Variants in CLCN3 observed in about 807,000 individuals in gnomAD.
CLCN3 encodes H(+)/Cl(-) exchange transporter 3.
A neutral mutation model predicts 83.4 loss-of-function variants in CLCN3; 16 were observed. The ratio of observed to expected loss-of-function variants is 0.19; its 90% CI spans 0.13 to 0.29. CLCN3 has a LOEUF of 0.29. CLCN3 is among the 10% of genes least tolerant of loss of function. The probability of loss-of-function intolerance (pLI) is 1.00; values close to 1 mark genes in which losing one functional copy is unlikely to be tolerated. For synonymous variants in CLCN3, 322 were observed against 346.2 expected (o/e 0.93, Z 0.78); for missense variants, 544 against 1,006.0 (o/e 0.54, Z 6.21).
At chr4:169,671,879 G>C (rs564510449) in intron 2 of CLCN3, among the ~76,000 whole-genome samples, 1 of 152,190 alleles carries the variant, frequency 6.6e-6, no homozygotes, top group East Asian at 1.9e-4. Context: ...TATGCTTTGA[G>C]AAATGGCTGA....
intron 2 of CLCN3, among the ~76,000 whole-genome samples, chr4:169,646,146 C>T (rs768396478): frequency 6.6e-6 from 1 of 152,032 alleles, no homozygotes; most frequent in African/African-American, 2.4e-5. Context: ...TTTATTTTAT[C>T]CTTCCTTCTT....
intron 9 of CLCN3, among the ~76,000 whole-genome samples, 177 bp downstream of exon 9, chr4:169,697,911 G>C (rs1192700503): frequency 6.6e-6 from 1 of 152,158 alleles, no homozygotes; most frequent in Non-Finnish European, 1.5e-5. Context: ...GTTATCTGTT[G>C]CTATTTAACA....
At chr4:169,658,907 A>G (rs1367984138) in intron 2 of CLCN3, among the ~76,000 whole-genome samples, 1 of 152,094 alleles carries the variant, frequency 6.6e-6, no homozygotes, top group Non-Finnish European at 1.5e-5. Flanking sequence ...AACTTGATTT[A>G]ACCTATACAG....
intron 2 of CLCN3, among the ~76,000 whole-genome samples, chr4:169,637,482 G>T (rs1218577541): frequency 6.6e-6 from 1 of 151,918 alleles, no homozygotes; most frequent in Non-Finnish European, 1.5e-5. Context: ...GTGAGACTCT[G>T]TCTCTACAAT....
At chr4:169,707,963 A>G (rs1257939259) in intron 11 of CLCN3, among the ~76,000 whole-genome samples, 1 of 152,214 alleles carries the variant, frequency 6.6e-6, no homozygotes, top group African/African-American at 2.4e-5. Context: ...GTCCCGCAGT[A>G]TTGATGAGGA....
intron 7 of CLCN3, 28 bp downstream of exon 7, chr4:169,692,348 T>A: frequency 8.3e-7 from 1 of 1,200,150 alleles, no homozygotes; most frequent in South Asian, 1.3e-5. Flanking sequence ...TTAATTTGAC[T>A]GAAAAATATA....
chr4:169,673,090 A>G (rs1377816938), intron 2 of CLCN3, among the ~76,000 whole-genome samples: 4 of 152,248 alleles, frequency 2.6e-5, no homozygotes, highest in Non-Finnish European at 4.4e-5. Flanking sequence ...TCCTTTTCAC[A>G]TTAGAAATAT....
chr4:169,704,226 CTG>C (rs1188005936), intron 10 of CLCN3, 42 bp downstream of exon 10: 1 of 1,563,448 alleles, frequency 6.4e-7, no homozygotes, highest in South Asian at 1.1e-5. Flanking sequence ...GTTTGCAAGT[CTG>C]AGAGAGCCAA....
chr4:169,684,461 C>A (rs768693528), intron 3 of CLCN3, among the ~76,000 whole-genome samples: 5 of 152,004 alleles, frequency 3.3e-5, no homozygotes, highest in Non-Finnish European at 5.9e-5. Context: ...TGTTATTATT[C>A]TTATTGATGT....
At chr4:169,701,348 A>G (rs2150260234) in intron 9 of CLCN3, among the ~76,000 whole-genome samples, 1 of 152,226 alleles carries the variant, frequency 6.6e-6, no homozygotes, top group East Asian at 1.9e-4. Flanking sequence ...TGCTATTTCC[A>G]CCACTCTGTA....
chr4:169,709,671 CT>C (rs1733133120), intron 11 of CLCN3, among the ~76,000 whole-genome samples: 1 of 148,666 alleles, frequency 6.7e-6, no homozygotes, highest in Non-Finnish European at 1.5e-5. Flanking sequence ...GAGCAAAACC[CT>C]GTCTCAAAAA....
At chr4:169,680,374 T>C in intron 3 of CLCN3, 167 bp downstream of exon 3, 1 of 571,960 alleles carries the variant, frequency 1.7e-6, no homozygotes, top group Non-Finnish European at 3.1e-6. Context: ...GTTTAATTTT[T>C]TTAGTTTACT....
chr4:169,709,867 G>A (rs1340238168), intron 11 of CLCN3, among the ~76,000 whole-genome samples: 1 of 152,012 alleles, frequency 6.6e-6, no homozygotes, highest in Non-Finnish European at 1.5e-5. Flanking sequence ...GGAGGCCAGG[G>A]TGGGAGGTTT....
At chr4:169,652,546 G>A (rs953580622) in intron 2 of CLCN3, among the ~76,000 whole-genome samples, 1 of 152,090 alleles carries the variant, frequency 6.6e-6, no homozygotes, top group African/African-American at 2.4e-5. Context: ...ACTTTTGATG[G>A]ATCTTGAAGC....
intron 2 of CLCN3, among the ~76,000 whole-genome samples, chr4:169,664,071 C>T (rs772347446): frequency 5.9e-5 from 9 of 152,084 alleles, no homozygotes; most frequent in South Asian, 2.1e-4. Flanking sequence ...TGAGTAAATG[C>T]GATAACAGGA....
At chr4:169,644,627 C>T (rs191400481) in intron 2 of CLCN3, among the ~76,000 whole-genome samples, 104 of 152,258 alleles carry the variant, frequency 6.8e-4, no homozygotes, top group African/African-American at 2.4e-3. Context: ...TGCTTTTGTA[C>T]TATAAATGAA....
At chr4:169,626,959 G>A (rs1432034785) in intron 1 of CLCN3, among the ~76,000 whole-genome samples, 3 of 152,114 alleles carry the variant, frequency 2.0e-5, no homozygotes, top group East Asian at 1.9e-4. Context: ...TTGTTCAGAC[G>A]TCTAGTCTCA....
intron 3 of CLCN3, among the ~76,000 whole-genome samples, chr4:169,683,384 A>G (rs970677795): frequency 6.6e-6 from 1 of 152,122 alleles, no homozygotes; most frequent in Non-Finnish European, 1.5e-5. Context: ...AGTCCTAGCT[A>G]CTCGGAAAGC....
At chr4:169,707,664 C>T (rs1370981265) in intron 11 of CLCN3, among the ~76,000 whole-genome samples, 1 of 152,112 alleles carries the variant, frequency 6.6e-6, no homozygotes, top group Non-Finnish European at 1.5e-5. Flanking sequence ...AAAATCTCAT[C>T]TTCATCAGTC....
Sources: allele counts gnomAD v4.1 joint callset (sites outside exome capture counted in the v4.1 genomes callset), GRCh38; gene constraint gnomAD v4.1.1; transcripts MANE v1.5; gene names NCBI Gene and HGNC (gene_info 2026-07-23, HGNC 2026-07-21).